The following TRAPPC9 variants were observed in gnomAD, a reference collection of about 807,000 sequenced individuals.
The protein encoded by TRAPPC9 is trafficking protein particle complex subunit 9.
Under a neutral mutation model 124.0 loss-of-function variants are expected in TRAPPC9, and 83 were observed. That is an observed-to-expected ratio of 0.67 (90% CI 0.56 to 0.80). The LOEUF (loss-of-function observed/expected upper bound fraction) is 0.80, where lower values mean the gene tolerates loss of function less well. Ranked by LOEUF, TRAPPC9 falls within the 30% of genes least tolerant of loss-of-function variation. The pLI is 0.00. For missense variants in TRAPPC9, 1,302 were observed against 1,508.3 expected (o/e 0.86, Z 2.27); for synonymous variants, 638 against 617.5 (o/e 1.03, Z -0.49).
chr8:140,011,183 T>C (rs1839089933), intron 18 of TRAPPC9, among the ~76,000 whole-genome samples: 2 of 151,520 alleles, frequency 1.3e-5, no homozygotes, highest in African/African-American at 2.4e-5. Flanking sequence ...CTACTAAAAA[T>C]ACAAAAATTA....
At chr8:140,008,927 C>T (rs1379829191) in intron 18 of TRAPPC9, among the ~76,000 whole-genome samples, 5 of 152,160 alleles carry the variant, frequency 3.3e-5, no homozygotes, top group Non-Finnish European at 5.9e-5. Flanking sequence ...CCCCATACAT[C>T]TATTTCTTTT....
At chr8:140,037,287 CAA>C (rs1255668786) in intron 17 of TRAPPC9, among the ~76,000 whole-genome samples, 3 of 151,902 alleles carry the variant, frequency 2.0e-5, no homozygotes, top group Non-Finnish European at 4.4e-5. Context: ...GCTAGTCTTA[CAA>C]AACACCGAGA....
intron 21 of TRAPPC9, among the ~76,000 whole-genome samples, chr8:139,814,985 C>T (rs897716805): frequency 6.6e-6 from 1 of 152,220 alleles, no homozygotes; most frequent in Non-Finnish European, 1.5e-5. Flanking sequence ...CCCGCATGCT[C>T]CTTGCTGCCA....
At chr8:140,012,973 T>C (rs1387341268) in intron 18 of TRAPPC9, among the ~76,000 whole-genome samples, 1 of 152,150 alleles carries the variant, frequency 6.6e-6, no homozygotes, top group African/African-American at 2.4e-5. Context: ...ACTTAGTGTG[T>C]GCTCAATAAC....
intron 9 of TRAPPC9, among the ~76,000 whole-genome samples, chr8:140,356,905 C>T (rs115183623): frequency 6.6e-6 from 1 of 152,092 alleles, no homozygotes; most frequent in Admixed American, 6.5e-5. Flanking sequence ...CCACCATGCC[C>T]GGCCAAGAAT....
At chr8:139,836,006 A>T (rs535328362) in intron 21 of TRAPPC9, among the ~76,000 whole-genome samples, 15 of 122,758 alleles carry the variant, frequency 1.2e-4, no homozygotes, top group African/African-American at 2.4e-4. Flanking sequence ...GGAAGCATTT[A>T]TTTATTTATT....
chr8:139,975,620 G>A (rs1202035898), intron 19 of TRAPPC9, among the ~76,000 whole-genome samples: 1 of 152,068 alleles, frequency 6.6e-6, no homozygotes, highest in Non-Finnish European at 1.5e-5. Flanking sequence ...CCCTCAACCT[G>A]CCAGCCAAGG....
At position 139,907,535 on chromosome 8, in the gene TRAPPC9, G is replaced by T. The variant is rs1403422524; in HGVS notation, c.2964+2612C>A. ...GGAAGGGAGAGGAGAGGGAGAAAGAGAAAGGGGGGGAGGAAGGGATGGAGG... is the reference window on the plus strand; with the variant it reads ...GGAAGGGAGAGGAGAGGGAGAAAGATAAAGGGGGGGAGGAAGGGATGGAGG... On this transcript the variant is annotated intron_variant, in intron 20 of 22. Transcript: ENST00000438773. The surrounding 1 kb of genome is among the most constrained non-coding windows in gnomAD (Gnocchi z 4.7). Among the ~76,000 whole-genome samples the T allele has an allele frequency of 7.9e-6, 1 of 125,848 alleles. No homozygotes were observed. The highest frequency in any genetic ancestry group is 1.6e-5 in the Non-Finnish European group (1 of 62,222). The allele number at this position is 125,848 out of a possible 152,430, so 82.6% of individuals were successfully genotyped here.
At chr8:139,979,435 G>A (rs567479269) in intron 19 of TRAPPC9, among the ~76,000 whole-genome samples, 10 of 152,304 alleles carry the variant, frequency 6.6e-5, no homozygotes, top group South Asian at 2.1e-4. Context: ...GAACGGACAC[G>A]GGTGCTGCTC....
chr8:139,923,476 T>G (rs1348308927), intron 19 of TRAPPC9, among the ~76,000 whole-genome samples: 2 of 150,270 alleles, frequency 1.3e-5, no homozygotes, highest in Non-Finnish European at 3.0e-5. Flanking sequence ...CACGTTTCAC[T>G]CAACACTCTG....
intron 17 of TRAPPC9, among the ~76,000 whole-genome samples, chr8:140,027,576 T>C (rs191569278): frequency 2.8e-3 from 428 of 152,332 alleles, no homozygotes; most frequent in South Asian, 9.1e-3. Flanking sequence ...TACTTTACTC[T>C]GTAGAAAACC....
At chr8:140,399,765 G>A (rs2069205513) in intron 6 of TRAPPC9, among the ~76,000 whole-genome samples, 1 of 152,140 alleles carries the variant, frequency 6.6e-6, no homozygotes, top group African/African-American at 2.4e-5. Flanking sequence ...AAAACTTTGG[G>A]GAACTGCTGG....
chr8:140,250,887 T>C (rs918261951), intron 16 of TRAPPC9, among the ~76,000 whole-genome samples: 3 of 152,124 alleles, frequency 2.0e-5, no homozygotes, highest in African/African-American at 7.2e-5. Context: ...TTTGGTTTTG[T>C]TTTAAAAGAT....
intron 2 of TRAPPC9, among the ~76,000 whole-genome samples, chr8:140,444,870 A>AAAAAAAATG (rs369901342): frequency 6.7e-6 from 1 of 150,262 alleles, no homozygotes; most frequent in Admixed American, 6.6e-5. Context: ...ATCTCAGGAA[A>AAAAAAAATG]AAAAAAAAAA....
intron 17 of TRAPPC9, among the ~76,000 whole-genome samples, chr8:140,089,622 C>T (rs1022520309): frequency 5.3e-5 from 8 of 152,170 alleles, no homozygotes; most frequent in Admixed American, 3.3e-4. Flanking sequence ...CCTAAGCTGC[C>T]TTCCTGCCTG....
At chr8:139,867,734 C>T (rs912226933) in intron 21 of TRAPPC9, among the ~76,000 whole-genome samples, 2 of 152,162 alleles carry the variant, frequency 1.3e-5, no homozygotes, top group African/African-American at 4.8e-5. Context: ...GAACATTCTA[C>T]AGAATCGCTG....
At position 140,252,272 on chromosome 8, in the gene TRAPPC9, C is replaced by T. The variant is rs957026186; in HGVS notation, c.2431+505G>A. ...AAGTCCTGGCCTCAGGTGATCCGCC[C>T]GCCCTGGCCTCCCAGAGTGCTGAGA... On this transcript the variant is annotated intron_variant, in intron 16 of 22. Transcript: ENST00000438773. This position sits in a 1 kb window ranked among gnomAD's most constrained non-coding sequence, Gnocchi z 4.2. Among the ~76,000 whole-genome samples, 82 of 152,268 alleles carry T rather than the reference C, an allele frequency of 5.4e-4. No individual in the cohort carries two copies. The highest frequency in any genetic ancestry group is 1.8e-3 in the African/African-American group (76 of 41,546).
In TRAPPC9 at chr8:140,252,848, G is replaced by T; in HGVS notation, c.2360C>A (p.Thr787Lys). 1.2e-6 allele frequency: 2 copies of T among 1,614,120 alleles called. No homozygotes were observed. The highest frequency in any genetic ancestry group is 1.7e-6 in the Non-Finnish European group (2 of 1,180,024). ...QFPLQPGKVA[T>K]FTINIKVKLD... ...CTTCACTTTGATGTTGATTGTGAAC[G>T]TGGCCACCTTCCCAGGCTGCAAAGG... The change falls in exon 16 of 23, where the codon ACG becomes AAG. Residue 787 changes from threonine (T) to lysine (K), a missense_variant. Thr to Lys is a moderately conservative substitution (Grantham distance 78, BLOSUM62 -1). Around this residue, in one of 3 missense-constraint regions of TRAPPC9, gnomAD observed 640 missense variants for 679.3 expected, o/e 0.94. Coordinates refer to ENST00000438773, the MANE Select transcript of TRAPPC9 (RefSeq NM_001160372.4). The surrounding 1 kb of genome is among the most constrained non-coding windows in gnomAD (Gnocchi z 4.2).
chr8:139,917,237 G>T (rs1832210962), intron 19 of TRAPPC9, among the ~76,000 whole-genome samples: 7 of 135,690 alleles, frequency 5.2e-5, no homozygotes. Context: ...GCAGTGGCGC[G>T]ATCTCGGCTT....
Sources: allele counts gnomAD v4.1 joint callset (sites outside exome capture counted in the v4.1 genomes callset), GRCh38; gene constraint gnomAD v4.1.1; regional missense constraint gnomAD v4.1.1; non-coding constraint Gnocchi (gnomAD v3.1); transcripts MANE v1.5; gene names NCBI Gene and HGNC (gene_info 2026-07-23, HGNC 2026-07-21).